PRH1: variants seen among roughly 807,000 people sequenced by gnomAD.
PRH1 encodes proline rich protein HaeIII subfamily 1.
Under a neutral mutation model 7.9 loss-of-function variants are expected in PRH1, and 7 were observed. The ratio of observed to expected loss-of-function variants is 0.89; its 90% CI spans 0.50 to 1.67. The LOEUF (loss-of-function observed/expected upper bound fraction) is 1.67. Among genes scored for constraint, PRH1 ranks in the 40% most tolerant of loss-of-function variants. PRH1 has a pLI of 0.00. For missense variants in PRH1, 109 were observed against 223.6 expected (o/e 0.49, Z 3.27); for synonymous variants, 45 against 80.8 (o/e 0.56, Z 2.38).
intron 1 of PRH1, among the ~76,000 whole-genome samples, chr12:11,000,993 A>C (rs1940561252): frequency 7.0e-6 from 1 of 143,494 alleles, no homozygotes; most frequent in Admixed American, 7.2e-5. Flanking sequence ...TTCTTTGTTC[A>C]GTTGGTTGGC....
At chr12:11,105,277 T>A (rs2708359) in intron 1 of PRH1, among the ~76,000 whole-genome samples, 69,089 of 151,352 alleles carry the variant, frequency 0.46, 16,519 homozygotes, top group Non-Finnish European at 0.53. Flanking sequence ...TTATTGTTGA[T>A]GAAAAAATGA....
At chr12:11,118,018 T>C (rs560276872), downstream of PRH1, among the ~76,000 whole-genome samples, 19 of 152,246 alleles carry the variant, frequency 1.2e-4, no homozygotes, top group South Asian at 4.1e-4. Flanking sequence ...ATTTCTTAAG[T>C]AGTAATACCC....
intron 2 of PRH1, among the ~76,000 whole-genome samples, chr12:10,920,791 G>T (rs554213818): frequency 6.6e-6 from 1 of 152,042 alleles, no homozygotes; most frequent in African/African-American, 2.4e-5. Flanking sequence ...CAATAAACAA[G>T]TATCTTTGTC....
rs113872083 is a variant in PRH1 at position 11,087,871 on chromosome 12, C to T, written n.124-40683G>A. On this transcript the variant is annotated intron_variant and non_coding_transcript_variant, in intron 1 of 4. Coordinates refer to the PRH1 transcript ENST00000541977. ...GAGCAGAGCTTCTGGTACTTTTTAC[C>T]GGGCTTGTGATTTGGTGAATGGTTC... Among the ~76,000 whole-genome samples, 33 of 111,576 alleles carry T rather than the reference C, an allele frequency of 3.0e-4. 8 individuals are homozygous for T. Among genetic ancestry groups the T allele is most frequent in the Admixed American group, 3.6e-4 (4 of 11,042 alleles). The allele number at this position is 111,576 out of a possible 152,430, so 73.2% of individuals were successfully genotyped here. A position where few individuals can be genotyped will look rare whatever the true frequency, so the allele number is the denominator to read the frequency against.
chr12:11,161,529 GA>G (rs1163935864), intron 1 of PRH1, among the ~76,000 whole-genome samples: 2 of 152,168 alleles, frequency 1.3e-5, no homozygotes, highest in African/African-American at 4.8e-5. Context: ...AGTGGTTGAT[GA>G]AAGTCAAAAC....
downstream of PRH1, among the ~76,000 whole-genome samples, chr12:11,119,112 T>C (rs68186227): frequency 0.3 from 45,511 of 151,738 alleles, 8,456 homozygotes; most frequent in East Asian, 0.74. Context: ...ACGGATGGAA[T>C]TGGAGATTAT....
At chr12:10,974,773 A>G (rs921765209) in intron 1 of PRH1, among the ~76,000 whole-genome samples, 1 of 152,192 alleles carries the variant, frequency 6.6e-6, no homozygotes, top group Non-Finnish European at 1.5e-5. Flanking sequence ...CTAGTTCAGC[A>G]GCAATGGTTC....
At chr12:11,107,906 CAAAAG>C (rs749157694) in intron 1 of PRH1, among the ~76,000 whole-genome samples, 3 of 152,004 alleles carry the variant, frequency 2.0e-5, no homozygotes, top group Admixed American at 6.6e-5. Context: ...CTGAAAGCAG[CAAAAG>C]AAAAGGAACA....
intron 1 of PRH1, among the ~76,000 whole-genome samples, chr12:11,110,988 G>A (rs1430621495): frequency 2.0e-5 from 3 of 152,118 alleles, no homozygotes; most frequent in African/African-American, 7.2e-5. Flanking sequence ...GCAAAAGAAA[G>A]CAGGGGTGGC....
At chr12:11,143,861 T>C (rs77225338) in intron 1 of PRH1, among the ~76,000 whole-genome samples, 2 of 152,182 alleles carry the variant, frequency 1.3e-5, no homozygotes, top group East Asian at 1.9e-4. Flanking sequence ...CTGTAATAGA[T>C]GGAGATGACA....
chr12:11,153,381 C>A (rs1436324709), intron 1 of PRH1, among the ~76,000 whole-genome samples: 1 of 152,150 alleles, frequency 6.6e-6, no homozygotes, highest in African/African-American at 2.4e-5. Context: ...ATAAATAAAT[C>A]ATCTTGAAAA....
intron 1 of PRH1, among the ~76,000 whole-genome samples, chr12:11,113,689 T>C (rs750138205): frequency 1.8e-4 from 27 of 152,146 alleles, no homozygotes; most frequent in Non-Finnish European, 2.1e-4. Flanking sequence ...CAAAAGCAAT[T>C]GCAACAAAAG....
intron 1 of PRH1, chr12:11,091,480 C>G (rs769974535): frequency 7.4e-7 from 1 of 1,344,834 alleles, no homozygotes; most frequent in African/African-American, 1.5e-5. Flanking sequence ...TTCCAAAACT[C>G]CAAACTGATA....
At chr12:10,936,347 T>C (rs952663830) in intron 2 of PRH1, among the ~76,000 whole-genome samples, 2 of 152,190 alleles carry the variant, frequency 1.3e-5, no homozygotes, top group African/African-American at 4.8e-5. Flanking sequence ...AGAAGCTTTC[T>C]AAGAATGCAT....
intron 2 of PRH1, chr12:10,937,416 T>C (rs1438835056): frequency 6.6e-6 from 1 of 152,056 alleles, no homozygotes; most frequent in Non-Finnish European, 1.5e-5. Context: ...TTGATAGTTT[T>C]TAACAGAGAT....
intron 1 of PRH1, chr12:11,171,361 C>T (rs1947837745): frequency 8.1e-7 from 1 of 1,231,576 alleles, no homozygotes; most frequent in Non-Finnish European, 1.0e-6. Context: ...TGGCTCATGG[C>T]CCCCGCGGCG....
chr12:10,990,961 AG>A (rs1939904395), intron 1 of PRH1, among the ~76,000 whole-genome samples: 2 of 152,344 alleles, frequency 1.3e-5, no homozygotes, highest in African/African-American at 2.4e-5. Flanking sequence ...ACAACGCTGG[AG>A]ACTAGAGGGA....
intron 1 of PRH1, among the ~76,000 whole-genome samples, chr12:10,976,908 T>C (rs558844608): frequency 2.0e-5 from 3 of 152,050 alleles, no homozygotes; most frequent in South Asian, 2.1e-4. Flanking sequence ...AGTTCCAAAA[T>C]TGAATCAGTA....
At chr12:10,889,293 C>T (rs1949537668) in intron 2 of PRH1, among the ~76,000 whole-genome samples, 1 of 152,144 alleles carries the variant, frequency 6.6e-6, no homozygotes, top group South Asian at 2.1e-4. Context: ...TGAACATAAA[C>T]ATCTGGTAGA....
Sources: allele counts gnomAD v4.1 joint callset (sites outside exome capture counted in the v4.1 genomes callset), GRCh38; gene constraint gnomAD v4.1.1; transcripts MANE v1.5; gene names NCBI Gene and HGNC (gene_info 2026-07-23, HGNC 2026-07-21).